ALDH16A1: variants seen among roughly 807,000 people sequenced by gnomAD.
ALDH16A1 encodes the protein aldehyde dehydrogenase 16 family member A1, also known as aldehyde dehydrogenase family 16 member A1.
ALDH16A1 carries 88 observed loss-of-function variants against 96.1 expected under a neutral mutation model. The observed-to-expected ratio is 0.92, with a 90% CI of 0.77 to 1.09. The LOEUF (loss-of-function observed/expected upper bound fraction) is 1.09, where lower values mean the gene tolerates loss of function less well. Ranked by LOEUF, ALDH16A1 falls within the 50% of genes least tolerant of loss-of-function variation. The pLI, the probability that ALDH16A1 is intolerant of heterozygous loss-of-function variation, is 0.00. For missense variants in ALDH16A1, 1,250 were observed against 1,112.6 expected, an observed-to-expected ratio of 1.12 and a Z score of -1.76; for synonymous variants, 522 against 496.4, an observed-to-expected ratio of 1.05 and a Z score of -0.69.
At chr19:49,461,093 G>A (rs944476276) in intron 5 of ALDH16A1, among the ~76,000 whole-genome samples, 194 bp downstream of exon 5, 2 of 149,768 alleles carry the variant, frequency 1.3e-5, no homozygotes, top group Admixed American at 6.6e-5. Flanking sequence ...TCCTGAGTCT[G>A]AGGGAGGAGG....
At position 49,468,536 on chromosome 19, in the gene ALDH16A1, C is replaced by G. The variant is rs1251309737; in HGVS notation, c.2094C>G (p.Ala698=). 2.5e-6 allele frequency: 4 copies of G among 1,604,428 alleles called. No homozygotes were observed. In the South Asian group the frequency reaches 4.4e-5, roughly 18 times the overall value. The change falls in exon 15 of 17, where the codon GCC becomes GCG. Residue 698 remains alanine (A), a synonymous_variant. Transcript: ENST00000293350. The surrounding 1 kb of genome is among the most constrained non-coding windows in gnomAD (Gnocchi z 4.4). Reference sequence around the variant, plus strand: ...CTGTGGTCATGGTGCCCAGTGCGGCCTGTCCTCTGCTGGCCCTGGAGGTCT... The same window carrying G: ...CTGTGGTCATGGTGCCCAGTGCGGCGTGTCCTCTGCTGGCCCTGGAGGTCT... ...GNTVVMVPSA[A]CPLLALEVCQ... is the part of the protein sequence containing the mutation.
In ALDH16A1 at chr19:49,460,900, GT is replaced by G; in HGVS notation, c.577+2del. 6.2e-7 allele frequency: 1 copy of G among 1,612,954 alleles called. No homozygotes were observed. The highest frequency in any genetic ancestry group is 1.8e-4 in the Middle Eastern group (1 of 5,602). ...AGGATTTGCCCTGCCCTGGCTGTGGGTAAATGATGGCCTGGGGGGTCCTGAC... is the reference window on the plus strand; with the variant it reads ...AGGATTTGCCCTGCCCTGGCTGTGGGAAATGATGGCCTGGGGGGTCCTGAC... On this transcript the variant is annotated splice_donor_variant, in intron 5 of 16. Coordinates refer to ENST00000293350, the MANE Select transcript of ALDH16A1 (RefSeq NM_153329.4). LOFTEE classifies it high-confidence loss of function.
Position 49,459,034 on chromosome 19 carries a change from T to A in ALDH16A1, c.268T>A (p.Phe90Ile). 6.2e-7 allele frequency: 1 copy of A among 1,613,370 alleles called. No individual in the cohort carries two copies. Among genetic ancestry groups the A allele is most frequent in the Non-Finnish European group, 8.5e-7 (1 of 1,180,006 alleles). ...AGCCGTGGAGGCAGCCAGGATGGCA[T>A]TTAAGGGCTGGAGTGCGCACCCCGG... ...AAAVEAARMA[F>I]KGWSAHPGVV... The change falls in exon 3 of 17, where the codon TTT (phenylalanine) becomes ATT (isoleucine). Residue 90 changes from phenylalanine to isoleucine, a missense_variant. By Grantham distance (21) the Phe-to-Ile change is conservative. Coordinates refer to ENST00000293350, the MANE Select transcript of ALDH16A1 (RefSeq NM_153329.4). The surrounding 1 kb of genome is among the most constrained non-coding windows in gnomAD (Gnocchi z 4.1).
intron 14 of ALDH16A1, among the ~76,000 whole-genome samples, chr19:49,466,665 C>T (rs1310233736): frequency 3.3e-5 from 5 of 151,908 alleles, no homozygotes; most frequent in Non-Finnish European, 5.9e-5. Flanking sequence ...TCGAGACCAG[C>T]CTGGGCAACA....
chr19:49,468,110 A>G lies in ALDH16A1; in HGVS notation c.1939-271A>G. ...GGGAGGCGGAGGTTGCAGTGAGCCA[A>G]GATCGCACCACTGCACTCTAGCCAG... On this transcript the variant is annotated intron_variant, in intron 14 of 16. Coordinates refer to ENST00000293350, the MANE Select transcript of ALDH16A1 (RefSeq NM_153329.4). This position sits in a 1 kb window ranked among gnomAD's most constrained non-coding sequence, Gnocchi z 4.4. 6.6e-6 allele frequency among the ~76,000 whole-genome samples: 1 copy of G among 150,920 alleles called. No individual in the cohort carries two copies. The highest frequency in any genetic ancestry group is 2.4e-5 in the African/African-American group (1 of 40,944).
At position 49,459,968 on chromosome 19, in the gene ALDH16A1, T is replaced by A; in HGVS notation, c.499+120T>A. On this transcript the variant is annotated intron_variant, in intron 4 of 16. Coordinates refer to ENST00000293350, the MANE Select transcript of ALDH16A1 (RefSeq NM_153329.4). The surrounding 1 kb of genome is among the most constrained non-coding windows in gnomAD (Gnocchi z 4.1). The stretch of plus-strand genomic sequence containing the variant: ...TCTTGTCGCCCAGGCCGGAGTGCAG[T>A]GGCGCAATCTTGGCTCACTATAACC... 1 of 1,236,892 alleles carries A rather than the reference T, an allele frequency of 8.1e-7. No individual in the cohort carries two copies. The highest frequency in any genetic ancestry group is 1.1e-6 in the Non-Finnish European group (1 of 919,962). The allele number at this position is 1,236,892 out of a possible 1,614,324, so 76.6% of individuals were successfully genotyped here.
At chr19:49,453,487 G>A (rs1051128414) in intron 1 of ALDH16A1, 66 bp downstream of exon 1, 9 of 1,423,458 alleles carry the variant, frequency 6.3e-6, no homozygotes, top group African/African-American at 2.8e-5. Flanking sequence ...GTTTTTCGCG[G>A]GGAGTCCCGT....
In ALDH16A1 at chr19:49,466,395, G is replaced by A. The variant is rs908758509; in HGVS notation, c.1938+112G>A. The A allele has an allele frequency of 1.1e-4, 133 of 1,172,672 alleles. 1 individual carries two copies. Among genetic ancestry groups the A allele is most frequent in the Non-Finnish European group, 1.4e-4 (123 of 878,074 alleles). 72.6% of individuals were successfully genotyped at this position (1,172,672 alleles called of 1,614,324 possible). ...CGGGCCCAGCCCCACCGCCTTCCAC[G>A]GCAGGATCATCAGCAAGTGGCTTCA... On this transcript the variant is annotated intron_variant, in intron 14 of 16. Transcript: ENST00000293350.
At chr19:49,461,284 GGCTGGGA>G (rs2079141424) in intron 5 of ALDH16A1, among the ~76,000 whole-genome samples, 1 of 13,812 alleles carries the variant, frequency 7.2e-5, no homozygotes, top group Admixed American at 3.8e-4. Context: ...AGGGAGGAGG[GGCTGGGA>G]CCTGGACTCC....
At position 49,471,003 on chromosome 19, in the gene ALDH16A1, C is replaced by T. The variant is rs2079241539; in HGVS notation, c.*536C>T. 6.6e-6 allele frequency: 1 copy of T among 152,270 alleles called. No individual in the cohort carries two copies. Among genetic ancestry groups the T allele is most frequent in the Non-Finnish European group, 1.5e-5 (1 of 68,114 alleles). The allele number at this position is 152,270 out of a possible 1,614,324, so 9.4% of individuals were successfully genotyped here. A position where few individuals can be genotyped will look rare whatever the true frequency, so the allele number is the denominator to read the frequency against. On this transcript the variant is annotated 3_prime_UTR_variant, in exon 17 of 17. Coordinates refer to ENST00000293350, the MANE Select transcript of ALDH16A1 (RefSeq NM_153329.4). ...TCTACCTTTTCATGGCCCCAGAATC[C>T]ATATGCAGTAAAGGAACTCTCTGGA...
chr19:49,455,463 C>T (rs542988834), intron 1 of ALDH16A1, among the ~76,000 whole-genome samples: 2 of 148,110 alleles, frequency 1.4e-5, no homozygotes, highest in South Asian at 2.1e-4. Context: ...AAAGATTAGC[C>T]GAGGATGGCA....
Position 49,464,707 on chromosome 19 carries a change from AC to A in ALDH16A1, c.1515del (p.Phe506LeufsTer15). Reference sequence around the variant, plus strand: ...CCTCTCCAAGAACCTGAACTATGACACCTTTGGCCTCGCTGTTCCCTCAACC... The same window carrying A: ...CCTCTCCAAGAACCTGAACTATGACACTTTGGCCTCGCTGTTCCCTCAACC... ...SCLSKNLNYD[T>X]FGLAVPSTLP... On this transcript the variant is annotated frameshift_variant, in exon 12 of 17. Transcript: ENST00000293350. LOFTEE classifies it high-confidence loss of function. 10 of 1,613,132 alleles carry A rather than the reference AC, an allele frequency of 6.2e-6. No individual in the cohort carries two copies. Among genetic ancestry groups the A allele is most frequent in the Non-Finnish European group, 8.5e-6 (10 of 1,179,368 alleles).
At chr19:49,464,315 A>G (rs1838403841) in intron 10 of ALDH16A1, 52 bp downstream of exon 10, 4 of 1,590,524 alleles carry the variant, frequency 2.5e-6, no homozygotes, top group Non-Finnish European at 3.4e-6. Context: ...TTCCATCTTC[A>G]TCTCCCTTCT....
At chr19:49,453,466 C>G in intron 1 of ALDH16A1, 45 bp downstream of exon 1, 2 of 1,482,710 alleles carry the variant, frequency 1.3e-6, no homozygotes, top group Non-Finnish European at 1.8e-6. Context: ...TTCCCCAGGC[C>G]TGGGCGCCCG....
chr19:49,468,541 C>A lies in ALDH16A1; in HGVS notation c.2099C>A (p.Pro700His), dbSNP rs2079218917. Residue 700 changes from proline (P) to histidine (H), a missense_variant, in exon 15 of 17, where the codon CCT (proline) becomes CAT (histidine). Coordinates refer to ENST00000293350, the MANE Select transcript of ALDH16A1 (RefSeq NM_153329.4). The surrounding 1 kb of genome is among the most constrained non-coding windows in gnomAD (Gnocchi z 4.4). ...TVVMVPSAAC[P>H]LLALEVCQDM... The stretch of plus-strand genomic sequence containing the variant: ...GTCATGGTGCCCAGTGCGGCCTGTC[C>A]TCTGCTGGCCCTGGAGGTCTGCCAG... 2 of 1,604,476 alleles carry A rather than the reference C, an allele frequency of 1.2e-6. No individual in the cohort carries two copies. Among genetic ancestry groups the A allele is most frequent in the African/African-American group, 2.7e-5 (2 of 74,894 alleles).
rs1195781805 is a variant in ALDH16A1 at position 49,471,024 on chromosome 19, C to G, written c.*557C>G. 1 of 152,164 alleles carries G rather than the reference C, an allele frequency of 6.6e-6. No individual in the cohort carries two copies. Among genetic ancestry groups the G allele is most frequent in the Non-Finnish European group, 1.5e-5 (1 of 68,048 alleles). 9.4% of individuals were successfully genotyped at this position (152,164 alleles called of 1,614,324 possible). On this transcript the variant is annotated 3_prime_UTR_variant, in exon 17 of 17. Coordinates refer to ENST00000293350, the MANE Select transcript of ALDH16A1 (RefSeq NM_153329.4). ...AATCCATATGCAGTAAAGGAACTCT[C>G]TGGAATAAAATTAAAGTCCTCCTAT... is the stretch of plus-strand genomic sequence containing the variant.
chr19:49,464,593 C>G, intron 11 of ALDH16A1, 39 bp from the exon 12 acceptor site: 1 of 1,613,928 alleles, frequency 6.2e-7, no homozygotes, highest in Non-Finnish European at 8.5e-7. Flanking sequence ...TCCGGCCTCG[C>G]GTGCCCCTTG....
In ALDH16A1 at chr19:49,453,375, C is replaced by T. The variant is rs527587951; in HGVS notation, c.44C>T (p.Thr15Ile). 1.2e-5 allele frequency: 19 copies of T among 1,571,364 alleles called. No homozygotes were observed. Among genetic ancestry groups the T allele is most frequent in the Non-Finnish European group, 1.6e-5 (19 of 1,160,964 alleles). Residue 15 changes from threonine (T) to isoleucine (I), a missense_variant, in exon 1 of 17, where the codon ACC becomes ATC. Transcript: ENST00000293350. ...RAGPRAREIF[T>I]SLEYGPVPES... ...GGGCCCCGCGCCCGCGAGATCTTCA[C>T]CTCGCTGGAGTACGGACCGGTGCCG...
intron 1 of ALDH16A1, 184 bp downstream of exon 1, chr19:49,453,605 G>C: frequency 1.7e-6 from 1 of 575,488 alleles, no homozygotes; most frequent in Non-Finnish European, 3.1e-6. Context: ...GGCGGTGGCA[G>C]CCTTTTAGTC....
Sources: gnomAD v4.1 joint callset for allele counts (sites outside exome capture counted in the v4.1 genomes callset) on GRCh38, gnomAD v4.1.1 for gene constraint, Gnocchi (gnomAD v3.1) non-coding constraint, MANE v1.5 for transcripts, NCBI Gene and HGNC (gene_info 2026-07-23, HGNC 2026-07-21) for gene names.